The following MAML2 variants were observed in gnomAD, a reference collection of about 807,000 sequenced individuals.
MAML2 encodes the protein mastermind like transcriptional coactivator 2.
In MAML2, 22 loss-of-function variants were observed where a neutral mutation model predicts 96.1. The ratio of observed to expected loss-of-function variants is 0.23; its 90% CI spans 0.16 to 0.33. The LOEUF is 0.33. Among genes scored for constraint, MAML2 ranks in the 10% least tolerant of loss-of-function variants. The pLI is 1.00. For synonymous variants in MAML2, 561 were observed against 521.3 expected (o/e 1.08, Z -1.04); for missense variants, 1,367 against 1,392.4 (o/e 0.98, Z 0.29).
chr11:96,003,287 A>G (rs1858127072), intron 2 of MAML2, among the ~76,000 whole-genome samples: 1 of 152,114 alleles, frequency 6.6e-6, no homozygotes, highest in South Asian at 2.1e-4. Context: ...ACTAGTATTA[A>G]TACTTCTCAT....
rs561253242 is a variant in MAML2 at position 96,209,577 on chromosome 11, AAAAC to A, written c.514-116064_514-116061del. On this transcript the variant is annotated intron_variant, in intron 1 of 4. Coordinates refer to ENST00000524717, the MANE Select transcript of MAML2 (RefSeq NM_032427.4). Reference sequence around the variant, plus strand: ...GGTGACAGAGTGAAATTCCATCTCTAAAACAAACAAACAAACAAACAAACAAACA... The same window carrying A: ...GGTGACAGAGTGAAATTCCATCTCTAAAACAAACAAACAAACAAACAAACA... 9.2e-4 allele frequency among the ~76,000 whole-genome samples: 59 copies of A among 63,936 alleles called. No homozygotes were observed. In the East Asian group the frequency reaches 0.021, roughly 23 times the overall value. 41.9% of individuals were successfully genotyped at this position (63,936 alleles called of 152,430 possible). A position where few individuals can be genotyped will look rare whatever the true frequency, so the allele number is the denominator to read the frequency against.
chr11:96,307,183 C>G (rs1216440333), intron 1 of MAML2, among the ~76,000 whole-genome samples: 7 of 152,210 alleles, frequency 4.6e-5, no homozygotes. Flanking sequence ...CCAATCCCTG[C>G]TCCCGCTTTC....
At chr11:96,031,685 C>T (rs891657114) in intron 2 of MAML2, among the ~76,000 whole-genome samples, 5 of 152,102 alleles carry the variant, frequency 3.3e-5, no homozygotes, top group Non-Finnish European at 1.5e-5. Context: ...TTGATTTATA[C>T]GTTAAATTAC....
intron 1 of MAML2, among the ~76,000 whole-genome samples, chr11:96,109,135 T>C (rs192544077): frequency 2.7e-4 from 41 of 152,228 alleles, no homozygotes; most frequent in African/African-American, 9.2e-4. Flanking sequence ...AGAGGAAACA[T>C]CCATTTCATT....
chr11:96,136,933 G>C (rs930707247), intron 1 of MAML2, among the ~76,000 whole-genome samples: 1 of 152,066 alleles, frequency 6.6e-6, no homozygotes, highest in Non-Finnish European at 1.5e-5. Context: ...ATAATTTCTG[G>C]GGATGCCCTG....
intron 1 of MAML2, among the ~76,000 whole-genome samples, chr11:96,313,890 A>T (rs915375154): frequency 6.6e-6 from 1 of 152,204 alleles, no homozygotes; most frequent in Non-Finnish European, 1.5e-5. Context: ...AAGACCCTAG[A>T]ATCTGCAGTT....
At chr11:96,329,722 A>G (rs551348480) in intron 1 of MAML2, among the ~76,000 whole-genome samples, 2 of 152,344 alleles carry the variant, frequency 1.3e-5, no homozygotes, top group African/African-American at 4.8e-5. Flanking sequence ...ATCACTACGA[A>G]TAAGTATAGT....
At chr11:96,288,622 A>G (rs1011281634) in intron 1 of MAML2, among the ~76,000 whole-genome samples, 3 of 152,146 alleles carry the variant, frequency 2.0e-5, no homozygotes, top group Admixed American at 6.5e-5. Context: ...CAAACTGCCA[A>G]GCAACAAATG....
chr11:95,988,594 T>C (rs1004718772), intron 3 of MAML2, among the ~76,000 whole-genome samples: 5 of 148,118 alleles, frequency 3.4e-5, no homozygotes, highest in Admixed American at 1.4e-4. Context: ...TTATATTACA[T>C]ATATCATTTA....
chr11:96,272,309 T>G (rs538963044), intron 1 of MAML2, among the ~76,000 whole-genome samples: 2 of 152,196 alleles, frequency 1.3e-5, no homozygotes, highest in Non-Finnish European at 2.9e-5. Flanking sequence ...GTAGATAACA[T>G]TTAAATATGC....
At chr11:96,245,540 T>A (rs1450726193) in intron 1 of MAML2, among the ~76,000 whole-genome samples, 1 of 152,128 alleles carries the variant, frequency 6.6e-6, no homozygotes, top group Non-Finnish European at 1.5e-5. Context: ...CTTATATCCT[T>A]TATATAAACT....
intron 4 of MAML2, among the ~76,000 whole-genome samples, chr11:95,981,147 C>A (rs562429551): frequency 6.6e-6 from 1 of 152,226 alleles, no homozygotes; most frequent in African/African-American, 2.4e-5. Flanking sequence ...TCCTTTTTGC[C>A]GAATAAATTC....
At chr11:96,338,889 G>A (rs1324469760) in intron 1 of MAML2, among the ~76,000 whole-genome samples, 1 of 152,172 alleles carries the variant, frequency 6.6e-6, no homozygotes, top group Non-Finnish European at 1.5e-5. Context: ...CGAGTAAAGT[G>A]AGACCTGCCA....
At chr11:96,188,138 T>G (rs1285346497) in intron 1 of MAML2, among the ~76,000 whole-genome samples, 1 of 152,230 alleles carries the variant, frequency 6.6e-6, no homozygotes, top group Non-Finnish European at 1.5e-5. Flanking sequence ...TGAGAACTCT[T>G]AGGTTTAGTG....
chr11:96,094,413 G>A (rs80049187), intron 1 of MAML2, among the ~76,000 whole-genome samples: 17 of 152,284 alleles, frequency 1.1e-4, no homozygotes, highest in African/African-American at 3.8e-4. Flanking sequence ...AGGAAGGGAT[G>A]AGATAATGCA....
chr11:96,132,978 C>A (rs1474376032), intron 1 of MAML2, among the ~76,000 whole-genome samples: 1 of 152,112 alleles, frequency 6.6e-6, no homozygotes, highest in Non-Finnish European at 1.5e-5. Flanking sequence ...CTTATGGATA[C>A]AATATTAGAG....
At chr11:96,088,377 A>T (rs1859651577) in intron 2 of MAML2, among the ~76,000 whole-genome samples, 1 of 152,212 alleles carries the variant, frequency 6.6e-6, no homozygotes, top group Non-Finnish European at 1.5e-5. Flanking sequence ...GACTGATTAT[A>T]TAGCTCTGAA....
At chr11:96,089,832 C>T (rs1402785555) in intron 2 of MAML2, among the ~76,000 whole-genome samples, 2 of 151,764 alleles carry the variant, frequency 1.3e-5, no homozygotes, top group Non-Finnish European at 2.9e-5. Context: ...AATACTGCCA[C>T]ATTTCCACCA....
chr11:95,985,942 AT>A (rs1346511867), intron 3 of MAML2, among the ~76,000 whole-genome samples: 1 of 152,072 alleles, frequency 6.6e-6, no homozygotes, highest in African/African-American at 2.4e-5. Context: ...AATTTCTGTG[AT>A]TTTTCAAGAT....
Sources: gnomAD v4.1 joint callset for allele counts (sites outside exome capture counted in the v4.1 genomes callset) on GRCh38, gnomAD v4.1.1 for gene constraint, MANE v1.5 for transcripts, NCBI Gene and HGNC (gene_info 2026-07-23, HGNC 2026-07-21) for gene names.